EEFSEC: variants seen among roughly 807,000 people sequenced by gnomAD.
EEFSEC encodes the protein eukaryotic elongation factor, selenocysteine-tRNA specific.
A neutral mutation model predicts 42.1 loss-of-function variants in EEFSEC; 43 were observed. The ratio of observed to expected loss-of-function variants is 1.02; its 90% confidence interval spans 0.80 to 1.32. The LOEUF (loss-of-function observed/expected upper bound fraction) is 1.32. Ranked by LOEUF, EEFSEC falls within the 40% of genes most tolerant of loss-of-function variation. EEFSEC has a pLI of 0.00. For synonymous variants in EEFSEC, 354 were observed against 339.1 expected (o/e 1.04, Z -0.48); for missense variants, 745 against 803.6 (o/e 0.93, Z 0.88).
At chr3:128,156,903 C>T (rs886424480) in intron 1 of EEFSEC, among the ~76,000 whole-genome samples, 3 of 152,194 alleles carry the variant, frequency 2.0e-5, no homozygotes, top group Admixed American at 2.0e-4. Flanking sequence ...GCAAGTCTCT[C>T]ACTTTAAATC....
intron 4 of EEFSEC, among the ~76,000 whole-genome samples, chr3:128,271,921 A>C (rs890385723): frequency 2.6e-5 from 4 of 151,890 alleles, no homozygotes; most frequent in African/African-American, 9.7e-5. Context: ...CTTCATTATC[A>C]CCTCTCCAGC....
chr3:128,389,787 T>TGGA, intron 6 of EEFSEC, among the ~76,000 whole-genome samples: 1 of 152,302 alleles, frequency 6.6e-6, no homozygotes, highest in East Asian at 1.9e-4. Context: ...TGATGTGGTG[T>TGGA]GGACTGAGGC....
chr3:128,176,206 G>C (rs1226437777), intron 1 of EEFSEC, among the ~76,000 whole-genome samples: 1 of 151,604 alleles, frequency 6.6e-6, no homozygotes, highest in African/African-American at 2.4e-5. Flanking sequence ...GGTTGGGAAG[G>C]CAGGCTAGAT....
chr3:128,331,415 C>T (rs2067131754), intron 4 of EEFSEC, among the ~76,000 whole-genome samples: 1 of 122,442 alleles, frequency 8.2e-6, no homozygotes, highest in African/African-American at 3.2e-5. Flanking sequence ...CTAAATGCAT[C>T]TCCCCTCTTC....
intron 1 of EEFSEC, among the ~76,000 whole-genome samples, chr3:128,171,636 C>T (rs1684559357): frequency 6.6e-6 from 1 of 151,876 alleles, no homozygotes; most frequent in South Asian, 2.1e-4. Context: ...CAAGGACTTT[C>T]CAGGAGAAAA....
At chr3:128,288,967 C>G (rs1426235826) in intron 4 of EEFSEC, among the ~76,000 whole-genome samples, 1 of 152,172 alleles carries the variant, frequency 6.6e-6, no homozygotes, top group African/African-American at 2.4e-5. Flanking sequence ...AAATGGTGGC[C>G]TTTGCAGTTG....
In EEFSEC at chr3:128,161,597, A is replaced by G. The variant is rs571119399; in HGVS notation, c.316+7774A>G. 6.9e-4 allele frequency among the ~76,000 whole-genome samples: 105 copies of G among 152,316 alleles called. 1 individual carries two copies. Among genetic ancestry groups the G allele is most frequent in the Admixed American group, 1.5e-3 (23 of 15,304 alleles). Reference sequence around the variant, plus strand: ...ACTCAGGTTACTCTCCTTGAAGGAGAGAAACATCCAAGAGCCTACAAGATT... The same window carrying G: ...ACTCAGGTTACTCTCCTTGAAGGAGGGAAACATCCAAGAGCCTACAAGATT... On this transcript the variant is annotated intron_variant, in intron 1 of 6. Transcript: ENST00000254730.
At chr3:128,153,886 T>A in intron 1 of EEFSEC, 63 bp downstream of exon 1, 5 of 1,438,286 alleles carry the variant, frequency 3.5e-6, no homozygotes, top group Non-Finnish European at 4.5e-6. Context: ...GGGCCCCGTG[T>A]CCGAATTCGC....
intron 1 of EEFSEC, among the ~76,000 whole-genome samples, chr3:128,175,696 G>C (rs1216136592): frequency 6.6e-6 from 1 of 152,242 alleles, no homozygotes. Context: ...GGTCCCTGCT[G>C]TTGGGGGAAC....
chr3:128,236,382 C>T (rs1188448803), intron 1 of EEFSEC, among the ~76,000 whole-genome samples: 2 of 152,164 alleles, frequency 1.3e-5, no homozygotes, highest in African/African-American at 2.4e-5. Flanking sequence ...TCTAGTTCTG[C>T]GACCCGTGAC....
At position 128,290,388 on chromosome 3, in the gene EEFSEC, G is replaced by A. The variant is rs181063693; in HGVS notation, c.786+25607G>A. Among the ~76,000 whole-genome samples, 97 of 151,960 alleles carry A rather than the reference G, an allele frequency of 6.4e-4. 2 individuals are homozygous for A. Among genetic ancestry groups the A allele is most frequent in the Admixed American group, 5.6e-3 (86 of 15,268 alleles). ...CTTGGCATCTCTTAAAAAAAATCAA[G>A]TGACTGAATATGTGTGGGTCTACTT... On this transcript the variant is annotated intron_variant, in intron 4 of 6. Coordinates refer to ENST00000254730, the MANE Select transcript of EEFSEC (RefSeq NM_021937.5).
chr3:128,340,741 C>T (rs1030933481), intron 4 of EEFSEC, among the ~76,000 whole-genome samples: 1 of 152,204 alleles, frequency 6.6e-6, no homozygotes, highest in African/African-American at 2.4e-5. Flanking sequence ...TTGGGACAGG[C>T]TTTCCAGAGC....
intron 4 of EEFSEC, among the ~76,000 whole-genome samples, chr3:128,292,120 A>G (rs535547587): frequency 6.6e-6 from 1 of 152,136 alleles, no homozygotes; most frequent in African/African-American, 2.4e-5. Flanking sequence ...AGTAAGTTAC[A>G]TATATTGATT....
At chr3:128,279,057 T>G (rs542552949) in intron 4 of EEFSEC, among the ~76,000 whole-genome samples, 16 of 152,032 alleles carry the variant, frequency 1.1e-4, no homozygotes, top group Admixed American at 2.0e-4. Flanking sequence ...TTCCTTTGAG[T>G]TGGGGAGGAG....
intron 4 of EEFSEC, among the ~76,000 whole-genome samples, chr3:128,306,371 T>C (rs965519436): frequency 6.6e-6 from 1 of 152,230 alleles, no homozygotes; most frequent in Non-Finnish European, 1.5e-5. Context: ...CCTTTTGATA[T>C]ATAAATATTT....
At chr3:128,205,057 G>A (rs1455134446) in intron 1 of EEFSEC, among the ~76,000 whole-genome samples, 1 of 152,182 alleles carries the variant, frequency 6.6e-6, no homozygotes, top group Non-Finnish European at 1.5e-5. Context: ...TGTGTGACTT[G>A]ATATAAGGTT....
At chr3:128,160,421 G>A (rs74916741) in intron 1 of EEFSEC, among the ~76,000 whole-genome samples, 3,372 of 152,312 alleles carry the variant, frequency 0.022, 74 homozygotes, top group East Asian at 0.047. Context: ...AAGCTAGAAG[G>A]GTTGGCAGGG....
chr3:128,184,720 G>A (rs949879520), intron 1 of EEFSEC, among the ~76,000 whole-genome samples: 2 of 152,072 alleles, frequency 1.3e-5, no homozygotes, highest in Non-Finnish European at 1.5e-5. Context: ...TAAAATGAAG[G>A]ACATTTTTTT....
At chr3:128,160,386 G>A (rs1457931679) in intron 1 of EEFSEC, among the ~76,000 whole-genome samples, 1 of 152,252 alleles carries the variant, frequency 6.6e-6, no homozygotes, top group African/African-American at 2.4e-5. Context: ...AATCGGCGTG[G>A]TGTGTGGGAG....
Sources: allele counts gnomAD v4.1 joint callset (sites outside exome capture counted in the v4.1 genomes callset), GRCh38; gene constraint gnomAD v4.1.1; transcripts MANE v1.5; gene names NCBI Gene and HGNC (gene_info 2026-07-23, HGNC 2026-07-21).